Variants in ST3GAL1 observed in about 807,000 individuals in gnomAD.
ST3GAL1 encodes CMP-N-acetylneuraminate-beta-galactosamide-alpha-2,3-sialyltransferase 1.
A neutral mutation model predicts 34.1 loss-of-function variants in ST3GAL1; 16 were observed. That is an observed-to-expected ratio of 0.47 (90% CI 0.32 to 0.71). The LOEUF is 0.71. Ranked by LOEUF, ST3GAL1 falls within the 30% of genes least tolerant of loss-of-function variation. The pLI, the probability that ST3GAL1 is intolerant of heterozygous loss-of-function variation, is 0.04. For missense variants in ST3GAL1, 353 were observed against 447.4 expected (o/e 0.79, Z 1.90); for synonymous variants, 191 against 184.7 (o/e 1.03, Z -0.28).
At position 133,545,191 on chromosome 8, in the gene ST3GAL1, G is replaced by A. The variant is rs549252598; in HGVS notation, c.-429+583C>T. ...GTGGACAGCTCAGCTGTAGACCAGAGGTTGCAACACCTTTTCTGTTAAGGA... is the reference window on the plus strand; with the variant it reads ...GTGGACAGCTCAGCTGTAGACCAGAAGTTGCAACACCTTTTCTGTTAAGGA... On this transcript the variant is annotated intron_variant, in intron 2 of 9. Transcript: ENST00000522652. 3.9e-5 allele frequency among the ~76,000 whole-genome samples: 6 copies of A among 152,370 alleles called. No individual in the cohort carries two copies. In the South Asian group the frequency reaches 1.2e-3, roughly 32 times the overall value.
intron 2 of ST3GAL1, among the ~76,000 whole-genome samples, chr8:133,532,964 C>T (rs1350338888): frequency 2.6e-5 from 4 of 152,198 alleles, no homozygotes; most frequent in African/African-American, 9.7e-5. Context: ...GTTGAAACCA[C>T]TAAGGTACTA....
chr8:133,553,256 CAA>C (rs1818912105), intron 1 of ST3GAL1, among the ~76,000 whole-genome samples: 1 of 152,170 alleles, frequency 6.6e-6, no homozygotes, highest in Non-Finnish European at 1.5e-5. Context: ...AGAACTGAGA[CAA>C]TCAACTTCCA....
At chr8:133,534,492 G>A (rs1370829077) in intron 2 of ST3GAL1, among the ~76,000 whole-genome samples, 5 of 152,290 alleles carry the variant, frequency 3.3e-5, no homozygotes, top group South Asian at 4.1e-4. Flanking sequence ...AGAAAGGGCC[G>A]TGGGATATTT....
At chr8:133,520,550 A>G (rs960765941) in intron 2 of ST3GAL1, among the ~76,000 whole-genome samples, 40 of 152,256 alleles carry the variant, frequency 2.6e-4, no homozygotes, top group African/African-American at 9.6e-4. Flanking sequence ...ACCCCTGTTC[A>G]GCAGAAACAT....
chr8:133,557,314 T>G (rs78996166), intron 1 of ST3GAL1, among the ~76,000 whole-genome samples: 3 of 152,118 alleles, frequency 2.0e-5, no homozygotes, highest in Non-Finnish European at 2.9e-5. Context: ...CGTGGCACAA[T>G]GGGGTCCTCA....
intron 2 of ST3GAL1, among the ~76,000 whole-genome samples, chr8:133,503,477 G>T (rs544290502): frequency 9.4e-5 from 14 of 149,554 alleles, no homozygotes; most frequent in Non-Finnish European, 2.1e-4. Flanking sequence ...CCCCATCTCC[G>T]CCACCCCTCC....
chr8:133,528,774 T>C (rs377336932), intron 2 of ST3GAL1, among the ~76,000 whole-genome samples: 36 of 152,356 alleles, frequency 2.4e-4, no homozygotes, highest in Non-Finnish European at 4.4e-4. Context: ...TTGCTGCCCC[T>C]GGAGCTAGGG....
intron 8 of ST3GAL1, 102 bp downstream of exon 8, chr8:133,463,311 TG>T: frequency 7.5e-7 from 1 of 1,329,838 alleles, no homozygotes; most frequent in Non-Finnish European, 1.1e-6. Context: ...TCCAGCGGCC[TG>T]GGGATCTGGG....
chr8:133,508,991 C>T lies in ST3GAL1; in HGVS notation c.-428-9802G>A, dbSNP rs1398210208. Reference sequence around the variant, plus strand: ...TCTTCTGCCAGCATCTGTCAGCAGGCTAATTTGTCAGCTTGCAAATAGGGA... The same window carrying T: ...TCTTCTGCCAGCATCTGTCAGCAGGTTAATTTGTCAGCTTGCAAATAGGGA... On this transcript the variant is annotated intron_variant, in intron 2 of 9. Transcript: ENST00000522652. The surrounding 1 kb of genome is among the most constrained non-coding windows in gnomAD (Gnocchi z 4.1). Among the ~76,000 whole-genome samples, 2 of 152,130 alleles carry T rather than the reference C, an allele frequency of 1.3e-5. No homozygotes were observed. The highest frequency in any genetic ancestry group is 6.5e-5 in the Admixed American group (1 of 15,268).
intron 2 of ST3GAL1, among the ~76,000 whole-genome samples, chr8:133,525,433 C>T (rs1817939504): frequency 6.6e-6 from 1 of 152,158 alleles, no homozygotes; most frequent in Non-Finnish European, 1.5e-5. Flanking sequence ...TTGGATAAAG[C>T]ACCATAAGTT....
chr8:133,481,471 G>GT (rs968486510), intron 3 of ST3GAL1, among the ~76,000 whole-genome samples: 3 of 151,972 alleles, frequency 2.0e-5, no homozygotes, highest in East Asian at 1.9e-4. Context: ...GTTTGTTTGG[G>GT]TTTTTTTGTT....
chr8:133,563,024 G>C (rs567100750), intron 1 of ST3GAL1, among the ~76,000 whole-genome samples: 1 of 149,408 alleles, frequency 6.7e-6, no homozygotes, highest in African/African-American at 2.4e-5. Flanking sequence ...CTTTGGTTGG[G>C]GTTTATTGGT....
At chr8:133,541,203 T>TAGAG (rs1028430596) in intron 2 of ST3GAL1, among the ~76,000 whole-genome samples, 5 of 147,258 alleles carry the variant, frequency 3.4e-5, no homozygotes, top group Non-Finnish European at 7.5e-5. Context: ...TTTGTCTGAT[T>TAGAG]AGAGCAGTGC....
intron 3 of ST3GAL1, among the ~76,000 whole-genome samples, chr8:133,496,005 T>C (rs931070569): frequency 1.3e-5 from 2 of 152,164 alleles, no homozygotes; most frequent in African/African-American, 4.8e-5. Context: ...ACTTGTTTAA[T>C]TGACAGACGG....
chr8:133,490,655 T>C (rs1411588799), intron 3 of ST3GAL1, among the ~76,000 whole-genome samples: 1 of 152,128 alleles, frequency 6.6e-6, no homozygotes, highest in African/African-American at 2.4e-5. Flanking sequence ...GTGGTGATGA[T>C]GGAGACGCTG....
At chr8:133,541,082 C>CATATATATAT (rs1172519181) in intron 2 of ST3GAL1, among the ~76,000 whole-genome samples, 6 of 48,714 alleles carry the variant, frequency 1.2e-4, no homozygotes, top group Non-Finnish European at 2.6e-4. Flanking sequence ...TATATATAGA[C>CATATATATAT]ATATATATAT....
chr8:133,493,888 T>C (rs1816862018), intron 3 of ST3GAL1, among the ~76,000 whole-genome samples: 1 of 150,992 alleles, frequency 6.6e-6, no homozygotes, highest in Non-Finnish European at 1.5e-5. Flanking sequence ...ACCCTAGCTA[T>C]TTTCTCTTGC....
Position 133,457,707 on chromosome 8 carries a change from T to G in ST3GAL1, c.*2057A>C, listed in dbSNP as rs112459088. 2.6e-5 allele frequency: 4 copies of G among 152,252 alleles called. No homozygotes were observed. Among genetic ancestry groups the G allele is most frequent in the Admixed American group, 1.3e-4 (2 of 15,284 alleles). 9.4% of individuals were successfully genotyped at this position (152,252 alleles called of 1,614,324 possible). A position where few individuals can be genotyped will look rare whatever the true frequency, so the allele number is the denominator to read the frequency against. ...TCCTTTCTCCAGAAAAATGCTCATA[T>G]GCAGAGATTCAGGGAAAAAACCAAA... is the stretch of plus-strand genomic sequence containing the variant. On this transcript the variant is annotated 3_prime_UTR_variant, in exon 10 of 10. Coordinates refer to ENST00000522652, the MANE Select transcript of ST3GAL1 (RefSeq NM_173344.3).
rs375044195 is a variant in ST3GAL1 at position 133,469,258 on chromosome 8, G to A, written c.307-3168C>T. ...ATTTGATATGGAGTCTCACTCTATC[G>A]CCCAGGCTGGAATGCAGTGGTGCGA... On this transcript the variant is annotated intron_variant, in intron 5 of 9. Transcript: ENST00000522652. This position sits in a 1 kb window ranked among gnomAD's most constrained non-coding sequence, Gnocchi z 4.3. Among the ~76,000 whole-genome samples, 10 of 152,152 alleles carry A rather than the reference G, an allele frequency of 6.6e-5. 1 individual carries two copies. Among genetic ancestry groups the A allele is most frequent in the Admixed American group, 3.9e-4 (6 of 15,280 alleles).
Sources: allele counts gnomAD v4.1 joint callset (sites outside exome capture counted in the v4.1 genomes callset), GRCh38; gene constraint gnomAD v4.1.1; non-coding constraint Gnocchi (gnomAD v3.1); transcripts MANE v1.5; gene names NCBI Gene and HGNC (gene_info 2026-07-23, HGNC 2026-07-21).